MCF2L: variants seen among roughly 807,000 people sequenced by gnomAD.
The protein encoded by MCF2L is MCF.2 cell line derived transforming sequence like.
Under a neutral mutation model 153.4 loss-of-function variants are expected in MCF2L, and 97 were observed. The observed-to-expected ratio is 0.63, with a 90% CI of 0.54 to 0.75. The LOEUF (loss-of-function observed/expected upper bound fraction) is 0.75. MCF2L is among the 30% of genes least tolerant of loss of function. The pLI is 0.00. For synonymous variants in MCF2L, 659 were observed against 632.2 expected (o/e 1.04, Z -0.64); for missense variants, 1,347 against 1,495.2 (o/e 0.90, Z 1.64).
chr13:113,053,526 C>T lies in MCF2L; in HGVS notation c.370-7067C>T, dbSNP rs188594896. Among the ~76,000 whole-genome samples, 12 of 152,296 alleles carry T rather than the reference C, an allele frequency of 7.9e-5. No homozygotes were observed. Among genetic ancestry groups the T allele is most frequent in the Admixed American group, 2.6e-4 (4 of 15,308 alleles). ...ATTGGGGCGGTGTTGTGTGCTCAGA[C>T]GGCCAAGGAGGCGTCCGGATTTCCC... On this transcript the variant is annotated intron_variant, in intron 4 of 29. Coordinates refer to ENST00000535094, the MANE Select transcript of MCF2L (RefSeq NM_001112732.3). The surrounding 1 kb of genome is among the most constrained non-coding windows in gnomAD (Gnocchi z 4.4).
At chr13:113,051,803 C>G (rs1332298911) in intron 4 of MCF2L, among the ~76,000 whole-genome samples, 1 of 152,116 alleles carries the variant, frequency 6.6e-6, no homozygotes, top group Non-Finnish European at 1.5e-5. Flanking sequence ...CCTCACCTGG[C>G]GAGGGGAGAG....
At position 112,909,642 on chromosome 13, in the gene MCF2L, T is replaced by C. The variant is rs545838300; in HGVS notation, c.169+7271T>C. The C allele has an allele frequency of 2.7e-5, 7 of 259,232 alleles. No individual in the cohort carries two copies. In the East Asian group the frequency reaches 5.0e-4, roughly 19 times the overall value. The allele number at this position is 259,232 out of a possible 1,614,324, so 16.1% of individuals were successfully genotyped here. On this transcript the variant is annotated intron_variant, in intron 2 of 29. Coordinates refer to the MCF2L transcript ENST00000375608. Reference sequence around the variant, plus strand: ...AGAAATGAAGAGGGTTGTTTTGTTTTGTTTGTTTTATGAGACAGAGTCCTG... The same window carrying C: ...AGAAATGAAGAGGGTTGTTTTGTTTCGTTTGTTTTATGAGACAGAGTCCTG...
In MCF2L at chr13:113,014,771, A is replaced by C; in HGVS notation, c.88A>C (p.Met30Leu). 6.2e-7 allele frequency: 1 copy of C among 1,613,784 alleles called. No individual in the cohort carries two copies. Among genetic ancestry groups the C allele is most frequent in the Non-Finnish European group, 8.5e-7 (1 of 1,179,786 alleles). ...NAVSKHTDEI[M>L]HQDIVPLCAA... ...CTGCTCTTTCCGTGCAGATGAAATC[A>C]TGCACCAGGACATCGTCCCGCTCTG... Residue 30 changes from methionine (M) to leucine (L), a missense_variant, in exon 2 of 30, where the codon ATG (methionine) becomes CTG (leucine). This residue lies in a region of MCF2L where 820 missense variants were observed against 921.2 expected (regional missense o/e 0.89). Coordinates refer to ENST00000535094, the MANE Select transcript of MCF2L (RefSeq NM_001112732.3).
At chr13:113,044,247 C>G (rs936690697) in intron 3 of MCF2L, 2 of 251,102 alleles carry the variant, frequency 8.0e-6, no homozygotes, top group Non-Finnish European at 1.6e-5. Flanking sequence ...CGGCCAGATG[C>G]AGACAGGGAC....
At chr13:113,024,889 C>T (rs1024331824) in intron 3 of MCF2L, 131 bp downstream of exon 3, 28 of 724,130 alleles carry the variant, frequency 3.9e-5, no homozygotes, top group Admixed American at 6.5e-5. Context: ...ATGGGGTCCC[C>T]GTGACTGTGG....
intron 15 of MCF2L, among the ~76,000 whole-genome samples, chr13:113,080,784 G>A (rs180767942): frequency 6.6e-6 from 1 of 152,354 alleles, no homozygotes; most frequent in African/African-American, 2.4e-5. Flanking sequence ...GAAGGCTCAG[G>A]GAGGCCGGGC....
At chr13:113,083,954 A>T in intron 17 of MCF2L, 44 bp from the exon 18 acceptor site, 2 of 1,416,642 alleles carry the variant, frequency 1.4e-6, no homozygotes, top group Non-Finnish European at 2.0e-6. Context: ...GGTCCACGTG[A>T]CTCGGCCTGT....
intron 1 of MCF2L, among the ~76,000 whole-genome samples, chr13:112,898,966 C>G (rs2081094355): frequency 6.6e-6 from 1 of 152,204 alleles, no homozygotes; most frequent in Non-Finnish European, 1.5e-5. Context: ...CCAGGGAGCA[C>G]CGGGCAGGGC....
chr13:112,921,275 T>C (rs1350139076), intron 2 of MCF2L, among the ~76,000 whole-genome samples: 2 of 152,126 alleles, frequency 1.3e-5, no homozygotes, highest in African/African-American at 4.8e-5. Flanking sequence ...GGCAGGCTGG[T>C]CAAACCAAGT....
At chr13:113,095,459 CAG>C in intron 27 of MCF2L, 1 of 1,077,302 alleles carries the variant, frequency 9.3e-7, no homozygotes, top group Non-Finnish European at 1.1e-6. Flanking sequence ...GCTGGTGGAA[CAG>C]GGTGCACGGG....
chr13:112,987,649 T>C (rs1172178441), intron 1 of MCF2L, among the ~76,000 whole-genome samples: 2 of 152,238 alleles, frequency 1.3e-5, no homozygotes, highest in Non-Finnish European at 2.9e-5. Context: ...AAGTCCTCCA[T>C]ACTGTGGCTT....
At chr13:112,981,892 G>T (rs888062060) in intron 1 of MCF2L, among the ~76,000 whole-genome samples, 2 of 152,222 alleles carry the variant, frequency 1.3e-5, no homozygotes, top group Non-Finnish European at 2.9e-5. Context: ...TCGGCACCCC[G>T]CAGGTTTTCT....
At chr13:112,905,174 G>C (rs181250397) in intron 2 of MCF2L, among the ~76,000 whole-genome samples, 48 of 152,350 alleles carry the variant, frequency 3.2e-4, no homozygotes, top group Non-Finnish European at 2.6e-4. Flanking sequence ...TTCTGCAGAA[G>C]GGTGCTGCTC....
chr13:112,899,123 G>A (rs138852319), intron 1 of MCF2L, among the ~76,000 whole-genome samples: 155 of 152,364 alleles, frequency 1.0e-3, no homozygotes, highest in Non-Finnish European at 1.2e-3. Flanking sequence ...AACGAGGACC[G>A]AGCAAACGAG....
chr13:113,066,917 G>A (rs1049550867), intron 8 of MCF2L, among the ~76,000 whole-genome samples: 8 of 152,358 alleles, frequency 5.3e-5, no homozygotes, highest in African/African-American at 1.7e-4. Context: ...TGACTCCCAC[G>A]CAGCGTGGCC....
In MCF2L at chr13:112,973,734, G is replaced by A. The variant is rs149903186; in HGVS notation, c.79+4276G>A. On this transcript the variant is annotated intron_variant, in intron 1 of 29. Coordinates refer to ENST00000535094, the MANE Select transcript of MCF2L (RefSeq NM_001112732.3). ...CCTGCTCTGAGGACACTGGGGGGCC[G>A]GCCCTGTGTTTGCTTGGAGCGCCCT... Among the ~76,000 whole-genome samples, 364 of 152,334 alleles carry A rather than the reference G, an allele frequency of 2.4e-3. 1 individual carries two copies. The highest frequency in any genetic ancestry group is 8.3e-3 in the African/African-American group (345 of 41,560).
At chr13:112,948,622 T>C (rs2081660720) in intron 2 of MCF2L, among the ~76,000 whole-genome samples, 1 of 152,182 alleles carries the variant, frequency 6.6e-6, no homozygotes, top group Non-Finnish European at 1.5e-5. Context: ...TTTTTAGCAC[T>C]AAAATGCATG....
intron 2 of MCF2L, among the ~76,000 whole-genome samples, chr13:112,938,030 G>T (rs1169548586): frequency 1.7e-3 from 10 of 5,984 alleles, no homozygotes; most frequent in African/African-American, 5.3e-3. Flanking sequence ...ATTGGTTCAG[G>T]TGAGCCCTGA....
chr13:112,931,389 T>C (rs1426681760), intron 2 of MCF2L, among the ~76,000 whole-genome samples: 1 of 152,210 alleles, frequency 6.6e-6, no homozygotes, highest in Non-Finnish European at 1.5e-5. Context: ...TGCCGGAAGC[T>C]GAAACTGAGC....
Sources: gnomAD v4.1 joint callset for allele counts (sites outside exome capture counted in the v4.1 genomes callset) on GRCh38, gnomAD v4.1.1 for gene constraint, gnomAD v4.1.1 regional missense constraint, Gnocchi (gnomAD v3.1) non-coding constraint, MANE v1.5 for transcripts, NCBI Gene and HGNC (gene_info 2026-07-23, HGNC 2026-07-21) for gene names.